The following SKI variants were observed in gnomAD, a reference collection of about 807,000 sequenced individuals.
SKI encodes ski oncogene.
SKI carries 23 observed loss-of-function variants against 59.3 expected under a neutral mutation model. The ratio of observed to expected loss-of-function variants is 0.39; its 90% confidence interval spans 0.28 to 0.55. The LOEUF is 0.55. Ranked by LOEUF, SKI falls within the 20% of genes least tolerant of loss-of-function variation. The pLI, the probability that SKI is intolerant of heterozygous loss-of-function variation, is 0.67. For missense variants in SKI, 1,017 were observed against 1,038.9 expected (o/e 0.98, Z 0.29); for synonymous variants, 673 against 488.6 (o/e 1.38, Z -4.98).
In SKI at chr1:2,306,319, G is replaced by A. The variant is rs938732171; in HGVS notation, c.1998+69G>A. On this transcript the variant is annotated intron_variant, in intron 6 of 6. Coordinates refer to ENST00000378536, the MANE Select transcript of SKI (RefSeq NM_003036.4). Reference sequence around the variant, plus strand: ...GAGCCGCCGTGGGCCCCGGTGGCCAGTCCTGCCCAGCCGGAAAGGCCTTGG... The same window carrying A: ...GAGCCGCCGTGGGCCCCGGTGGCCAATCCTGCCCAGCCGGAAAGGCCTTGG... 21 of 1,375,938 alleles carry A rather than the reference G, an allele frequency of 1.5e-5. No homozygotes were observed. In the African/African-American group the frequency reaches 2.6e-4, roughly 17 times the overall value. 85.2% of individuals were successfully genotyped at this position (1,375,938 alleles called of 1,614,324 possible). A position where few individuals can be genotyped will look rare whatever the true frequency, so the allele number is the denominator to read the frequency against.
In SKI at chr1:2,304,554, C is replaced by T. The variant is rs1403308880; in HGVS notation, c.1736C>T (p.Ala579Val). The T allele has an allele frequency of 1.1e-5, 18 of 1,569,502 alleles. No homozygotes were observed. The East Asian group carries it at 4.3e-4, about 37-fold the overall frequency. The change falls in exon 5 of 7, where the codon GCA becomes GTA. Residue 579 changes from alanine to valine, a missense_variant. By Grantham distance (64) the Ala-to-Val change is moderately conservative. Coordinates refer to ENST00000378536, the MANE Select transcript of SKI (RefSeq NM_003036.4). Reference sequence around the variant, plus strand: ...GTGAAGCAGGAGGAGAAGCTCAGCGCAGCCCTGCAGGCCAAGCGCAGCCTC... The same window carrying T: ...GTGAAGCAGGAGGAGAAGCTCAGCGTAGCCCTGCAGGCCAAGCGCAGCCTC... ...MRVKQEEKLS[A>V]ALQAKRSLHQ...
chr1:2,234,694 A>G (rs546583350), intron 1 of SKI, among the ~76,000 whole-genome samples: 1 of 152,312 alleles, frequency 6.6e-6, no homozygotes, highest in East Asian at 1.9e-4. Context: ...TGTGGCAATA[A>G]TGTGTCTCTT....
chr1:2,298,593 C>T (rs886630144), intron 1 of SKI, among the ~76,000 whole-genome samples: 1 of 152,182 alleles, frequency 6.6e-6, no homozygotes, highest in Non-Finnish European at 1.5e-5. Flanking sequence ...TACGGGGTCC[C>T]GTTTACCAAT....
intron 1 of SKI, among the ~76,000 whole-genome samples, chr1:2,287,132 G>A (rs1017376800): frequency 2.0e-5 from 3 of 152,094 alleles, no homozygotes; most frequent in Non-Finnish European, 2.9e-5. Context: ...GGGCCCCTGC[G>A]CACCCTCCCG....
Position 2,268,271 on chromosome 1 carries a change from CA to C in SKI, c.970-34706del, listed in dbSNP as rs1203562383. On this transcript the variant is annotated intron_variant, in intron 1 of 6. Transcript: ENST00000378536. This position sits in a 1 kb window ranked among gnomAD's most constrained non-coding sequence, Gnocchi z 5.0. Reference sequence around the variant, plus strand: ...GCTTTCTTGCCCCTCCAGTGCCTCCCAGGGGGCTGTGTAGCCAGGTGTCTCA... The same window carrying C: ...GCTTTCTTGCCCCTCCAGTGCCTCCCGGGGGCTGTGTAGCCAGGTGTCTCA... Among the ~76,000 whole-genome samples, 1 of 152,192 alleles carries C rather than the reference CA, an allele frequency of 6.6e-6. No individual in the cohort carries two copies. Among genetic ancestry groups the C allele is most frequent in the Non-Finnish European group, 1.5e-5 (1 of 68,016 alleles).
chr1:2,295,572 C>A (rs1490840908), intron 1 of SKI, among the ~76,000 whole-genome samples: 1 of 152,244 alleles, frequency 6.6e-6, no homozygotes, highest in Non-Finnish European at 1.5e-5. Context: ...CAGCACTGAT[C>A]TTGGCCATTG....
At chr1:2,248,980 G>C (rs553578663) in intron 1 of SKI, among the ~76,000 whole-genome samples, 1 of 152,342 alleles carries the variant, frequency 6.6e-6, no homozygotes, top group East Asian at 1.9e-4. Flanking sequence ...GCTGGCACGG[G>C]GACTGTGCCC....
chr1:2,271,410 G>A (rs1240910344), intron 1 of SKI, among the ~76,000 whole-genome samples: 2 of 152,064 alleles, frequency 1.3e-5, no homozygotes, highest in African/African-American at 4.8e-5. Context: ...GCCGCGTGGC[G>A]CCTGGGCTGG....
intron 6 of SKI, 126 bp from the exon 7 acceptor site, chr1:2,306,451 A>C: frequency 9.2e-7 from 1 of 1,084,676 alleles, no homozygotes; most frequent in Non-Finnish European, 1.3e-6. Flanking sequence ...TAGCAGGTGG[A>C]GGAGGGGCCG....
chr1:2,243,900 C>T (rs1217926208), intron 1 of SKI, among the ~76,000 whole-genome samples: 1 of 152,188 alleles, frequency 6.6e-6, no homozygotes, highest in Non-Finnish European at 1.5e-5. Context: ...CGTTTCTGAT[C>T]ATTTCCTTAG....
At chr1:2,252,577 G>C (rs1043665053) in intron 1 of SKI, among the ~76,000 whole-genome samples, 1 of 148,418 alleles carries the variant, frequency 6.7e-6, no homozygotes, top group Non-Finnish European at 1.5e-5. Flanking sequence ...CAGTGCCCGC[G>C]GAGCAGGTAC....
Position 2,270,252 on chromosome 1 carries a change from G to A in SKI, c.970-32726G>A, listed in dbSNP as rs185776200. Among the ~76,000 whole-genome samples the A allele has an allele frequency of 3.7e-3, 568 of 152,326 alleles. 2 individuals carry two copies. Among genetic ancestry groups the A allele is most frequent in the Middle Eastern group, 0.014 (4 of 294 alleles). ...ACTGGCTGGCGCTGCGTCTGGGTTC[G>A]GTCCTGGACCTGCTGCGTGTTATCC... On this transcript the variant is annotated intron_variant, in intron 1 of 6. Transcript: ENST00000378536. The surrounding 1 kb of genome is among the most constrained non-coding windows in gnomAD (Gnocchi z 4.1).
chr1:2,261,649 A>G (rs1047956854), intron 1 of SKI, among the ~76,000 whole-genome samples: 1 of 152,234 alleles, frequency 6.6e-6, no homozygotes, highest in Admixed American at 6.5e-5. Flanking sequence ...TGTAGTTGCC[A>G]TTGGGTTTTC....
At chr1:2,302,690 C>T (rs1425109504) in intron 1 of SKI, among the ~76,000 whole-genome samples, 3 of 152,048 alleles carry the variant, frequency 2.0e-5, no homozygotes, top group Non-Finnish European at 2.9e-5. Flanking sequence ...CTGCTGCAGC[C>T]GTGGGTGAGG....
chr1:2,284,926 C>T (rs1354818396), intron 1 of SKI, among the ~76,000 whole-genome samples: 1 of 152,184 alleles, frequency 6.6e-6, no homozygotes, highest in Non-Finnish European at 1.5e-5. Context: ...CACAGGTGCA[C>T]CATGCGGGCC....
chr1:2,301,089 G>T (rs1053601810), intron 1 of SKI, among the ~76,000 whole-genome samples: 13 of 152,142 alleles, frequency 8.5e-5, no homozygotes, highest in Non-Finnish European at 1.8e-4. Context: ...GAATTTCCGC[G>T]CCCGCTTCAG....
chr1:2,270,727 C>G lies in SKI; in HGVS notation c.970-32251C>G, dbSNP rs1179112369. Among the ~76,000 whole-genome samples, 1 of 152,182 alleles carries G rather than the reference C, an allele frequency of 6.6e-6. No individual in the cohort carries two copies. The highest frequency in any genetic ancestry group is 1.5e-5 in the Non-Finnish European group (1 of 68,014). ...GAGCAGAGACTGGACCTGGCCAGCC[C>G]CTCCCGCTTCCCTTCCTCTGGGCCC... On this transcript the variant is annotated intron_variant, in intron 1 of 6. Transcript: ENST00000378536. The surrounding 1 kb of genome is among the most constrained non-coding windows in gnomAD (Gnocchi z 4.1).
Position 2,292,936 on chromosome 1 carries a change from C to T in SKI, c.970-10042C>T, listed in dbSNP as rs925984604. Among the ~76,000 whole-genome samples the T allele has an allele frequency of 2.6e-5, 4 of 152,194 alleles. No homozygotes were observed. The East Asian group carries it at 5.8e-4, about 22-fold the overall frequency. Reference sequence around the variant, plus strand: ...GGCACCCTCTCCCAGCCGAGGATGTCGGCACCATTTGGGCCCGTGGACTTC... The same window carrying T: ...GGCACCCTCTCCCAGCCGAGGATGTTGGCACCATTTGGGCCCGTGGACTTC... On this transcript the variant is annotated intron_variant, in intron 1 of 6. Transcript: ENST00000378536.
At chr1:2,245,543 G>C (rs568822736) in intron 1 of SKI, among the ~76,000 whole-genome samples, 1 of 152,256 alleles carries the variant, frequency 6.6e-6, no homozygotes, top group East Asian at 1.9e-4. Flanking sequence ...CACGATCTCG[G>C]CTCACTGCAG....
Sources: allele counts gnomAD v4.1 joint callset (sites outside exome capture counted in the v4.1 genomes callset), GRCh38; gene constraint gnomAD v4.1.1; non-coding constraint Gnocchi (gnomAD v3.1); transcripts MANE v1.5; gene names NCBI Gene and HGNC (gene_info 2026-07-23, HGNC 2026-07-21).